Variants in GALNTL6 observed in about 807,000 individuals in gnomAD.
The protein encoded by GALNTL6 is polypeptide N-acetylgalactosaminyltransferase-like 6.
In GALNTL6, 46 loss-of-function variants were observed where a neutral mutation model predicts 73.7. That is an observed-to-expected ratio of 0.62 (90% confidence interval 0.49 to 0.80). The LOEUF is 0.80. Ranked by LOEUF, GALNTL6 falls within the 30% of genes least tolerant of loss-of-function variation. GALNTL6 has a pLI of 0.00. For missense variants in GALNTL6, 604 were observed against 755.0 expected, an observed-to-expected ratio of 0.80 and a Z score of 2.34; for synonymous variants, 259 against 263.7, an observed-to-expected ratio of 0.98 and a Z score of 0.17.
At chr4:172,304,285 G>A (rs1410866561) in intron 3 of GALNTL6, among the ~76,000 whole-genome samples, 3 of 152,142 alleles carry the variant, frequency 2.0e-5, no homozygotes. Context: ...TACCTGTTAT[G>A]TGGCAGTCAC....
chr4:172,198,815 T>C (rs943586845), intron 2 of GALNTL6, among the ~76,000 whole-genome samples: 1 of 152,190 alleles, frequency 6.6e-6, no homozygotes, highest in Non-Finnish European at 1.5e-5. Flanking sequence ...AATGTGCTAA[T>C]TTACTAACGT....
At chr4:172,401,956 GA>G (rs1442833515) in intron 5 of GALNTL6, among the ~76,000 whole-genome samples, 11 of 22,974 alleles carry the variant, frequency 4.8e-4, no homozygotes, top group East Asian at 3.6e-3. Flanking sequence ...GGAGGGGGGA[GA>G]GAGAGAGAGA....
intron 5 of GALNTL6, among the ~76,000 whole-genome samples, chr4:172,386,304 C>A (rs564393645): frequency 2.4e-4 from 37 of 152,146 alleles, no homozygotes; most frequent in Non-Finnish European, 4.1e-4. Context: ...TCTGGAAAGT[C>A]CAAGATCAAA....
At chr4:171,858,052 C>T (rs943145858) in intron 2 of GALNTL6, among the ~76,000 whole-genome samples, 3 of 152,154 alleles carry the variant, frequency 2.0e-5, no homozygotes, top group African/African-American at 7.2e-5. Context: ...TTTCCTCATT[C>T]AATTAATTAA....
chr4:172,071,812 T>C (rs952129944), intron 2 of GALNTL6, among the ~76,000 whole-genome samples: 1 of 152,168 alleles, frequency 6.6e-6, no homozygotes, highest in African/African-American at 2.4e-5. Context: ...TCAGGAATGC[T>C]CTGATTGAGG....
intron 3 of GALNTL6, among the ~76,000 whole-genome samples, chr4:172,259,314 T>G (rs533020719): frequency 1.4e-3 from 218 of 151,598 alleles, no homozygotes; most frequent in African/African-American, 4.9e-3. Flanking sequence ...AGGAGTAAAG[T>G]GTTATGTCAT....
At chr4:172,235,372 T>A (rs916727009) in intron 3 of GALNTL6, among the ~76,000 whole-genome samples, 10 of 151,852 alleles carry the variant, frequency 6.6e-5, no homozygotes, top group Non-Finnish European at 1.0e-4. Context: ...CATGCCCGGC[T>A]AATTTTTGTA....
At chr4:172,908,645 T>C (rs2610202) in intron 8 of GALNTL6, among the ~76,000 whole-genome samples, 2,861 of 151,264 alleles carry the variant, frequency 0.019, 93 homozygotes, top group African/African-American at 0.066. Flanking sequence ...TGTGTATTTG[T>C]AAATATATGG....
chr4:172,325,952 CCATAT>C (rs1197265277), intron 4 of GALNTL6, among the ~76,000 whole-genome samples: 3 of 151,654 alleles, frequency 2.0e-5, no homozygotes, highest in Non-Finnish European at 3.0e-5. Context: ...TCGAAACAGA[CCATAT>C]CATAAGTTAT....
At chr4:172,197,237 G>A (rs1361636636) in intron 2 of GALNTL6, among the ~76,000 whole-genome samples, 2 of 151,578 alleles carry the variant, frequency 1.3e-5, no homozygotes, top group African/African-American at 4.8e-5. Flanking sequence ...AACAAGGGAA[G>A]TGAAATACCT....
chr4:172,599,352 G>C (rs1737970199), intron 5 of GALNTL6, among the ~76,000 whole-genome samples: 1 of 151,954 alleles, frequency 6.6e-6, no homozygotes, highest in South Asian at 2.1e-4. Flanking sequence ...CTATGATCAT[G>C]GGGGGCATTT....
intron 11 of GALNTL6, among the ~76,000 whole-genome samples, chr4:173,010,164 C>G (rs190112509): frequency 1.0e-3 from 159 of 152,314 alleles, no homozygotes; most frequent in African/African-American, 3.7e-3. Flanking sequence ...CACCCTCCCA[C>G]TACCCTTGCC....
At chr4:171,826,728 A>G (rs549529147) in intron 2 of GALNTL6, among the ~76,000 whole-genome samples, 1 of 152,280 alleles carries the variant, frequency 6.6e-6, no homozygotes, top group South Asian at 2.1e-4. Context: ...ATCTGAGAAG[A>G]GGTGGTGAGG....
chr4:172,336,550 C>T, intron 4 of GALNTL6, among the ~76,000 whole-genome samples: 1 of 151,816 alleles, frequency 6.6e-6, no homozygotes, highest in Admixed American at 6.6e-5. Flanking sequence ...GCTGGGATTA[C>T]AGACATGAGC....
chr4:171,896,449 ATAGTC>A (rs1314077806), intron 2 of GALNTL6, among the ~76,000 whole-genome samples: 2 of 152,218 alleles, frequency 1.3e-5, no homozygotes, highest in Non-Finnish European at 2.9e-5. Flanking sequence ...GACAGTTGTC[ATAGTC>A]TGTCCATCCT....
At chr4:171,932,087 G>T (rs941488431) in intron 2 of GALNTL6, among the ~76,000 whole-genome samples, 3 of 152,032 alleles carry the variant, frequency 2.0e-5, no homozygotes, top group African/African-American at 7.2e-5. Context: ...ATTTAATGGG[G>T]GCTGCTTCCC....
intron 5 of GALNTL6, among the ~76,000 whole-genome samples, chr4:172,746,087 A>G (rs1439046208): frequency 6.6e-6 from 1 of 152,180 alleles, no homozygotes; most frequent in Non-Finnish European, 1.5e-5. Context: ...TCTGCCTTAT[A>G]GTATTGCTTG....
At chr4:172,523,512 AC>A (rs1340871543) in intron 5 of GALNTL6, among the ~76,000 whole-genome samples, 2 of 151,844 alleles carry the variant, frequency 1.3e-5, no homozygotes, top group East Asian at 3.9e-4. Context: ...CTACAGGTGC[AC>A]ACCACCTCAC....
chr4:172,325,967 T>C (rs929770415), intron 4 of GALNTL6, among the ~76,000 whole-genome samples: 1 of 151,892 alleles, frequency 6.6e-6, no homozygotes, highest in African/African-American at 2.4e-5. Flanking sequence ...TCATAAGTTA[T>C]GAAACAAATG....
Sources: allele counts gnomAD v4.1 joint callset (sites outside exome capture counted in the v4.1 genomes callset), GRCh38; gene constraint gnomAD v4.1.1; transcripts MANE v1.5; gene names NCBI Gene and HGNC (gene_info 2026-07-23, HGNC 2026-07-21).